The following FKRP variants were observed in gnomAD, a reference collection of about 807,000 sequenced individuals.
The protein encoded by FKRP is ribitol 5-phosphate transferase FKRP.
Under a neutral mutation model 30.6 loss-of-function variants are expected in FKRP, and 25 were observed. The ratio of observed to expected loss-of-function variants is 0.82; its 90% CI spans 0.60 to 1.14. FKRP has a LOEUF of 1.14. Among genes scored for constraint, FKRP ranks in the 50% most tolerant of loss-of-function variants. FKRP has a pLI of 0.00. For missense variants in FKRP, 771 were observed against 727.8 expected (o/e 1.06, Z -0.68); for synonymous variants, 358 against 342.5 (o/e 1.05, Z -0.50).
In FKRP at chr19:46,754,797, G is replaced by A. The variant is rs1271507552; in HGVS notation, c.-39-615G>A. ...ACTTTTGTATTTTTAGTAGAGATGG[G>A]GTTTCACCGTGTTGGCCAGGCTGGT... On this transcript the variant is annotated intron_variant, in intron 3 of 3. Coordinates refer to ENST00000318584, the MANE Select transcript of FKRP (RefSeq NM_024301.5). Among the ~76,000 whole-genome samples, 405 of 150,940 alleles carry A rather than the reference G, an allele frequency of 2.7e-3. 1 individual carries two copies. The highest frequency in any genetic ancestry group is 9.5e-3 in the African/African-American group (386 of 40,450).
In FKRP at chr19:46,756,947, T is replaced by TA; in HGVS notation, c.*11dup. 6.2e-7 allele frequency: 1 copy of TA among 1,612,584 alleles called. No individual in the cohort carries two copies. Among genetic ancestry groups the TA allele is most frequent in the Non-Finnish European group, 8.5e-7 (1 of 1,179,818 alleles). ...TGACGGGAAGCGGCTGAAGCCCTGA[T>TA]AACCTCGCCTTTGTTTTTCGGGGGT... On this transcript the variant is annotated 3_prime_UTR_variant, in exon 4 of 4. Coordinates refer to ENST00000318584, the MANE Select transcript of FKRP (RefSeq NM_024301.5). The surrounding 1 kb of genome is among the most constrained non-coding windows in gnomAD (Gnocchi z 6.6).
intron 1 of FKRP, chr19:46,747,817 G>C (rs1468184050): frequency 6.6e-6 from 1 of 152,182 alleles, no homozygotes; most frequent in African/African-American, 2.4e-5. Context: ...ATTCATGCTA[G>C]AGGGATGGTT....
At chr19:46,747,387 A>ATTTTTTTTT (rs561622117) in intron 1 of FKRP, 1 of 109,104 alleles carries the variant, frequency 9.2e-6, no homozygotes. Flanking sequence ...AAAGGAGGGG[A>ATTTTTTTTT]TTTTTTTTTT....
intron 3 of FKRP, among the ~76,000 whole-genome samples, chr19:46,751,842 C>T (rs1480015967): frequency 6.6e-6 from 1 of 152,198 alleles, no homozygotes; most frequent in Non-Finnish European, 1.5e-5. Flanking sequence ...GCTGGGATTA[C>T]AGGCATGAGC....
Position 46,756,890 on chromosome 19 carries a change from C to G in FKRP, c.1440C>G (p.Asn480Lys). ...ELKFGPGVIE[N>K]PQYPNPALLS... ...AGTTCGGGCCCGGGGTCATCGAGAA[C>G]CCCCAGTACCCCAACCCGGCACTGC... Residue 480 changes from asparagine (N) to lysine (K), a missense_variant, in exon 4 of 4, where the codon AAC (asparagine) becomes AAG (lysine). Physicochemically the swap from Asn to Lys is moderately conservative, Grantham distance 94. Coordinates refer to ENST00000318584, the MANE Select transcript of FKRP (RefSeq NM_024301.5). This position sits in a 1 kb window ranked among gnomAD's most constrained non-coding sequence, Gnocchi z 6.6. The G allele has an allele frequency of 6.2e-7, 1 of 1,612,862 alleles. No individual in the cohort carries two copies. The highest frequency in any genetic ancestry group is 2.2e-5 in the East Asian group (1 of 44,862).
chr19:46,749,891 A>T (rs1423496294), intron 3 of FKRP, among the ~76,000 whole-genome samples: 3 of 151,954 alleles, frequency 2.0e-5, no homozygotes, highest in Non-Finnish European at 4.4e-5. Context: ...CTAATTTTTT[A>T]AATTTTTTTG....
chr19:46,745,990 G>T, upstream of FKRP: 1 of 894,158 alleles, frequency 1.1e-6, no homozygotes, highest in Non-Finnish European at 1.5e-6. Context: ...CCCCTCGGAC[G>T]GCCCCTCACT....
At chr19:46,751,222 C>G (rs989890631) in intron 3 of FKRP, among the ~76,000 whole-genome samples, 7 of 151,950 alleles carry the variant, frequency 4.6e-5, no homozygotes, top group Non-Finnish European at 1.0e-4. Context: ...GCCATCACAT[C>G]CAGTTAGTTT....
Position 46,755,699 on chromosome 19 carries a change from C to T in FKRP, c.249C>T (p.Ala83=), listed in dbSNP as rs149030303. Residue 83 remains alanine (A), a synonymous_variant, in exon 4 of 4, where the codon GCC becomes GCT. Transcript: ENST00000318584. ...CAGCCCAGCCCGTGGTGGTGGCAGC[C>T]GACACGCTCCCCTACCCGCCCCTGG... The part of the protein sequence containing the change: ...QDPAQPVVVA[A]DTLPYPPLAL... 0.013 allele frequency: 20,432 copies of T among 1,582,434 alleles called. 174 individuals are homozygous for T. Among genetic ancestry groups the T allele is most frequent in the Middle Eastern group, 0.021 (126 of 6,028 alleles).
chr19:46,750,181 T>C (rs751912423), intron 3 of FKRP, among the ~76,000 whole-genome samples: 1 of 152,238 alleles, frequency 6.6e-6, no homozygotes. Context: ...CATCATTGTA[T>C]CCACTTTGCC....
chr19:46,756,434 T>C lies in FKRP; in HGVS notation c.984T>C (p.Tyr328=), dbSNP rs1181528755. 6.3e-6 allele frequency: 10 copies of C among 1,585,302 alleles called. No individual in the cohort carries two copies. Among genetic ancestry groups the C allele is most frequent in the Non-Finnish European group, 7.7e-6 (9 of 1,166,140 alleles). ...CLRALRETAR[Y]VVGVLEAAGV... ...GCGCGCTGCGCGAGACCGCCCGCTA[T>C]GTGGTGGGCGTGCTGGAGGCTGCGG... The change falls in exon 4 of 4, where the codon TAT becomes TAC. Residue 328 remains tyrosine (Y), a synonymous_variant. Coordinates refer to ENST00000318584, the MANE Select transcript of FKRP (RefSeq NM_024301.5). The surrounding 1 kb of genome is among the most constrained non-coding windows in gnomAD (Gnocchi z 6.6).
In FKRP at chr19:46,755,710, C is replaced by T. The variant is rs749022695; in HGVS notation, c.260C>T (p.Pro87Leu). 3.8e-6 allele frequency: 6 copies of T among 1,574,816 alleles called. No individual in the cohort carries two copies. Among genetic ancestry groups the T allele is most frequent in the Non-Finnish European group, 5.1e-6 (6 of 1,166,918 alleles). Residue 87 changes from proline (P) to leucine (L), a missense_variant, in exon 4 of 4, where the codon CCC (proline) becomes CTC (leucine). Physicochemically the swap from Pro to Leu is moderately conservative, Grantham distance 98. Coordinates refer to ENST00000318584, the MANE Select transcript of FKRP (RefSeq NM_024301.5). The stretch of plus-strand genomic sequence containing the variant: ...GTGGTGGTGGCAGCCGACACGCTCC[C>T]CTACCCGCCCCTGGCCCTGCCCCGC... ...QPVVVAADTL[P>L]YPPLALPRIP...
chr19:46,753,093 G>A (rs1296983135), intron 3 of FKRP, among the ~76,000 whole-genome samples: 1 of 151,268 alleles, frequency 6.6e-6, no homozygotes, highest in Admixed American at 6.6e-5. Flanking sequence ...TTGAACCCTG[G>A]AGGCGGTGGT....
Position 46,755,765 on chromosome 19 carries a change from G to T in FKRP, c.315G>T (p.Gln105His), listed in dbSNP as rs765444642. The T allele has an allele frequency of 9.1e-6, 14 of 1,539,222 alleles. No homozygotes were observed. The highest frequency in any genetic ancestry group is 2.4e-5 in the East Asian group (1 of 41,126). Reference protein sequence around the residue: ...RIPNVRLALLQPALDRPAAAS... With the variant: ...RIPNVRLALLHPALDRPAAAS... The stretch of plus-strand genomic sequence containing the variant: ...CCAACGTGCGTCTGGCGCTGCTCCA[G>T]CCCGCCCTGGACCGGCCAGCCGCAG... Residue 105 changes from glutamine to histidine, a missense_variant, in exon 4 of 4, where the codon CAG becomes CAT. Transcript: ENST00000318584.
upstream of FKRP, chr19:46,746,053 C>G (rs1207921311): frequency 1.7e-6 from 2 of 1,148,080 alleles, no homozygotes; most frequent in African/African-American, 1.7e-5. Context: ...GCCGTCCCGG[C>G]GGCCATTGCT....
intron 1 of FKRP, chr19:46,746,500 C>CA: frequency 1.2e-6 from 1 of 854,914 alleles, no homozygotes; most frequent in Non-Finnish European, 1.4e-6. Flanking sequence ...AACACCCCCC[C>CA]CCCTCCCCCG....
chr19:46,758,213 G>A lies in FKRP; in HGVS notation c.*1275G>A, dbSNP rs1387352946. The stretch of plus-strand genomic sequence containing the variant: ...CTCAAGGTCAGGCAGCTTAGGAAGG[G>A]GCAGATCGGGGGCTTGAACCCAGGT... On this transcript the variant is annotated 3_prime_UTR_variant, in exon 4 of 4. Transcript: ENST00000318584. 6.0e-6 allele frequency: 1 copy of A among 167,052 alleles called. No homozygotes were observed. Among genetic ancestry groups the A allele is most frequent in the African/African-American group, 2.4e-5 (1 of 41,434 alleles). 10.3% of individuals were successfully genotyped at this position (167,052 alleles called of 1,614,324 possible). A position where few individuals can be genotyped will look rare whatever the true frequency, so the allele number is the denominator to read the frequency against.
chr19:46,751,181 G>C (rs971321451), intron 3 of FKRP, among the ~76,000 whole-genome samples: 1 of 151,614 alleles, frequency 6.6e-6, no homozygotes, highest in Non-Finnish European at 1.5e-5. Flanking sequence ...TCCTACCTCA[G>C]CCTCCTAAGT....
rs1425956543 is a variant in FKRP at position 46,756,711 on chromosome 19, T to C, written c.1261T>C (p.Tyr421His). The C allele has an allele frequency of 6.2e-7, 1 of 1,611,954 alleles. No individual in the cohort carries two copies. The highest frequency in any genetic ancestry group is 1.3e-5 in the African/African-American group (1 of 74,932). ...CTTGCACGTGGACCTGTGGCCCTTC[T>C]ACCCCCGCAATGGCGTCATGACCAA... ...NHLHVDLWPF[Y>H]PRNGVMTKDT... Residue 421 changes from tyrosine to histidine, a missense_variant, in exon 4 of 4, where the codon TAC (tyrosine) becomes CAC (histidine). By Grantham distance (83) the Tyr-to-His change is moderately conservative (BLOSUM62 2). Coordinates refer to ENST00000318584, the MANE Select transcript of FKRP (RefSeq NM_024301.5). This position sits in a 1 kb window ranked among gnomAD's most constrained non-coding sequence, Gnocchi z 6.6.
Sources: allele counts gnomAD v4.1 joint callset (sites outside exome capture counted in the v4.1 genomes callset), GRCh38; gene constraint gnomAD v4.1.1; non-coding constraint Gnocchi (gnomAD v3.1); transcripts MANE v1.5; gene names NCBI Gene and HGNC (gene_info 2026-07-23, HGNC 2026-07-21).